The following ARHGAP20 variants were observed in gnomAD, a reference collection of about 807,000 sequenced individuals.
ARHGAP20 encodes rho GTPase-activating protein 20.
Under a neutral mutation model 73.7 loss-of-function variants are expected in ARHGAP20, and 34 were observed. The ratio of observed to expected loss-of-function variants is 0.46; its 90% CI spans 0.35 to 0.61. The LOEUF is 0.61. ARHGAP20 is among the 20% of genes least tolerant of loss of function. The probability of loss-of-function intolerance (pLI) is 0.00; values close to 1 mark genes in which losing one functional copy is unlikely to be tolerated. For synonymous variants in ARHGAP20, 523 were observed against 518.2 expected (o/e 1.01, Z -0.13); for missense variants, 1,314 against 1,420.9 (o/e 0.92, Z 1.21).
intron 1 of ARHGAP20, among the ~76,000 whole-genome samples, chr11:110,701,901 G>T (rs370452626): frequency 6.6e-6 from 1 of 151,980 alleles, no homozygotes; most frequent in Non-Finnish European, 1.5e-5. Flanking sequence ...GTAGATATGC[G>T]GCGTTATTTC....
At chr11:110,637,410 C>T (rs1325462707) in intron 2 of ARHGAP20, among the ~76,000 whole-genome samples, 1 of 151,986 alleles carries the variant, frequency 6.6e-6, no homozygotes, top group Non-Finnish European at 1.5e-5. Flanking sequence ...AAAAATTTAC[C>T]CATTTCTCAA....
chr11:110,637,516 T>C (rs1324807031), intron 2 of ARHGAP20, among the ~76,000 whole-genome samples: 1 of 152,146 alleles, frequency 6.6e-6, no homozygotes, highest in African/African-American at 2.4e-5. Context: ...TATGTTCTGC[T>C]TTATATATCG....
intron 2 of ARHGAP20, among the ~76,000 whole-genome samples, chr11:110,688,950 G>A (rs893603958): frequency 2.0e-5 from 3 of 151,676 alleles, no homozygotes; most frequent in Non-Finnish European, 2.9e-5. Context: ...GTTGGGATTT[G>A]GATATATAAC....
chr11:110,643,340 G>T (rs1444372131), intron 2 of ARHGAP20, among the ~76,000 whole-genome samples: 2 of 151,920 alleles, frequency 1.3e-5, no homozygotes, highest in African/African-American at 4.8e-5. Context: ...TGTTATTCTA[G>T]TTCCTCTAGA....
intron 2 of ARHGAP20, among the ~76,000 whole-genome samples, chr11:110,680,114 C>T (rs185466900): frequency 4.5e-4 from 69 of 152,182 alleles, no homozygotes; most frequent in African/African-American, 1.6e-3. Flanking sequence ...TTTAATGAAA[C>T]ATTATATAAC....
At chr11:110,596,922 A>C (rs1039924218) in intron 9 of ARHGAP20, among the ~76,000 whole-genome samples, 2 of 152,208 alleles carry the variant, frequency 1.3e-5, no homozygotes. Flanking sequence ...CTGGATTAAG[A>C]AAATGTGGCA....
intron 9 of ARHGAP20, among the ~76,000 whole-genome samples, chr11:110,592,523 T>A (rs1483191127): frequency 6.6e-6 from 1 of 151,888 alleles, no homozygotes; most frequent in East Asian, 1.9e-4. Context: ...ATTTTAAAGA[T>A]GAGACTAAGC....
At chr11:110,699,767 T>C (rs1434749535) in intron 1 of ARHGAP20, among the ~76,000 whole-genome samples, 1 of 151,942 alleles carries the variant, frequency 6.6e-6, no homozygotes, top group Non-Finnish European at 1.5e-5. Flanking sequence ...CCCACTTACT[T>C]CCTGTCTATT....
chr11:110,616,267 T>G (rs1389429242), intron 4 of ARHGAP20, among the ~76,000 whole-genome samples: 1 of 152,248 alleles, frequency 6.6e-6, no homozygotes, highest in Non-Finnish European at 1.5e-5. Context: ...AAATTAGTAT[T>G]AATTTTTATG....
chr11:110,632,720 A>G (rs1948884794), intron 2 of ARHGAP20, among the ~76,000 whole-genome samples: 1 of 152,042 alleles, frequency 6.6e-6, no homozygotes, highest in Non-Finnish European at 1.5e-5. Flanking sequence ...TAGGATTTTA[A>G]TTTGCATTTC....
At chr11:110,703,234 A>C (rs1295124606) in intron 1 of ARHGAP20, among the ~76,000 whole-genome samples, 2 of 152,142 alleles carry the variant, frequency 1.3e-5, no homozygotes, top group African/African-American at 4.8e-5. Context: ...AAATGAATAT[A>C]TGTTCCTTTC....
Position 110,649,434 on chromosome 11 carries a change from A to C in ARHGAP20, c.189-18642T>G, listed in dbSNP as rs181400638. On this transcript the variant is annotated intron_variant, in intron 2 of 14. Coordinates refer to ENST00000683387, the MANE Select transcript of ARHGAP20 (RefSeq NM_001384657.1). ...GATCAGGCACAAGTTGACTGCCATC[A>C]ATATGTATTGAAAACAAAGTATTTA... Among the ~76,000 whole-genome samples, 6 of 152,206 alleles carry C rather than the reference A, an allele frequency of 3.9e-5. No individual in the cohort carries two copies. In the East Asian group the frequency reaches 1.2e-3, roughly 29 times the overall value.
At chr11:110,605,595 A>C (rs1948206295) in intron 9 of ARHGAP20, among the ~76,000 whole-genome samples, 1 of 152,224 alleles carries the variant, frequency 6.6e-6, no homozygotes, top group East Asian at 1.9e-4. Flanking sequence ...ATGTTTCTTA[A>C]AGTACAGTTG....
intron 2 of ARHGAP20, among the ~76,000 whole-genome samples, chr11:110,666,596 A>T (rs573483716): frequency 1.1e-4 from 17 of 152,330 alleles, no homozygotes; most frequent in African/African-American, 3.8e-4. Flanking sequence ...TGCAGATATT[A>T]CATTTTTTAC....
rs1377664076 is a variant in ARHGAP20 at position 110,712,365 on chromosome 11, T to G, written c.-134A>C. ...CTCAGGCAGGGAGCCGAGCTCCGGG[T>G]GCTCGCCGCGCGCCTCCCGTCGGGG... On this transcript the variant is annotated 5_prime_UTR_variant, in exon 1 of 15. Transcript: ENST00000683387. The G allele has an allele frequency of 2.7e-5, 17 of 624,430 alleles. No homozygotes were observed. In the African/African-American group the frequency reaches 2.9e-4, roughly 11 times the overall value. 38.7% of individuals were successfully genotyped at this position (624,430 alleles called of 1,614,324 possible). A position where few individuals can be genotyped will look rare whatever the true frequency, so the allele number is the denominator to read the frequency against.
chr11:110,629,087 C>CA (rs1247104985), intron 3 of ARHGAP20, among the ~76,000 whole-genome samples: 3 of 152,112 alleles, frequency 2.0e-5, no homozygotes, highest in Non-Finnish European at 4.4e-5. Context: ...GAGCTGAATG[C>CA]ATGCTACAAG....
intron 1 of ARHGAP20, chr11:110,690,942 G>T: frequency 7.0e-7 from 1 of 1,429,476 alleles, no homozygotes; most frequent in Non-Finnish European, 9.5e-7. Flanking sequence ...CATGTGTCTG[G>T]CTCTATGCTA....
intron 2 of ARHGAP20, among the ~76,000 whole-genome samples, chr11:110,647,893 G>A (rs903168181): frequency 6.6e-6 from 1 of 151,854 alleles, no homozygotes; most frequent in Non-Finnish European, 1.5e-5. Context: ...TCCCGTCTGA[G>A]AATGCAAAGC....
intron 2 of ARHGAP20, among the ~76,000 whole-genome samples, chr11:110,635,605 C>A (rs1415984355): frequency 2.0e-5 from 3 of 152,006 alleles, no homozygotes; most frequent in African/African-American, 7.2e-5. Flanking sequence ...GAAGCGAAGT[C>A]TATTATGCTC....
Sources: gnomAD v4.1 joint callset for allele counts (sites outside exome capture counted in the v4.1 genomes callset) on GRCh38, gnomAD v4.1.1 for gene constraint, MANE v1.5 for transcripts, NCBI Gene and HGNC (gene_info 2026-07-23, HGNC 2026-07-21) for gene names.